Variants in TUBGCP2 observed in about 807,000 individuals in gnomAD.
The protein encoded by TUBGCP2 is gamma-tubulin complex component 2.
TUBGCP2 carries 55 observed loss-of-function variants against 92.2 expected under a neutral mutation model. The ratio of observed to expected loss-of-function variants is 0.60; its 90% CI spans 0.48 to 0.75. The LOEUF (loss-of-function observed/expected upper bound fraction) is 0.75, where lower values mean the gene tolerates loss of function less well. TUBGCP2 is among the 30% of genes least tolerant of loss of function. The probability of loss-of-function intolerance (pLI) is 0.00; values close to 1 mark genes in which losing one functional copy is unlikely to be tolerated. For missense variants in TUBGCP2, 1,093 were observed against 1,188.9 expected (o/e 0.92, Z 1.19); for synonymous variants, 533 against 505.2 (o/e 1.06, Z -0.74).
At chr10:133,309,098 T>C (rs1847918283), upstream of TUBGCP2, 18 of 1,315,826 alleles carry the variant, frequency 1.4e-5, no homozygotes, top group Non-Finnish European at 1.8e-5. Context: ...TTCTTCGAGG[T>C]GCGTGAGCAA....
intron 5 of TUBGCP2, among the ~76,000 whole-genome samples, chr10:133,294,220 G>A (rs549197207): frequency 1.3e-5 from 2 of 152,382 alleles, no homozygotes; most frequent in African/African-American, 2.4e-5. Flanking sequence ...TGAGACGGCT[G>A]CAGGACACAC....
chr10:133,297,508 C>A, intron 5 of TUBGCP2: 1 of 405,368 alleles, frequency 2.5e-6, no homozygotes, highest in South Asian at 1.9e-5. Context: ...GTCTCACCCG[C>A]ATCTTGTTTA....
At chr10:133,284,933 G>C in intron 13 of TUBGCP2, 152 bp downstream of exon 13, 2 of 1,190,470 alleles carry the variant, frequency 1.7e-6, no homozygotes, top group Non-Finnish European at 2.3e-6. Context: ...AAGCATTATG[G>C]ATCTAAAGCC....
rs1332117174 is a variant in TUBGCP2 at position 133,283,191 on chromosome 10, G to A, written c.2176C>T (p.His726Tyr). 1.2e-6 allele frequency: 2 copies of A among 1,614,226 alleles called. No homozygotes were observed. The highest frequency in any genetic ancestry group is 1.7e-6 in the Non-Finnish European group (2 of 1,180,046). ...ASNIDDVLGHHTGFLDTCLKD... is the reference protein window; with the variant it reads ...ASNIDDVLGHYTGFLDTCLKD... Reference sequence around the variant, plus strand: ...AGGCAGGTGTCCAGGAAGCCTGTGTGGTGGCCAAGGACGTCGTCAATGTTG... The same window carrying A: ...AGGCAGGTGTCCAGGAAGCCTGTGTAGTGGCCAAGGACGTCGTCAATGTTG... Residue 726 changes from histidine (H) to tyrosine (Y), a missense_variant, in exon 15 of 18, where the codon CAC becomes TAC. By Grantham distance (83) the His-to-Tyr change is moderately conservative (BLOSUM62 2). This residue lies in a region of TUBGCP2 where 598 missense variants were observed against 675.5 expected (regional missense o/e 0.89). Transcript: ENST00000252936.
At chr10:133,283,343 GC>G (rs1448764629) in intron 14 of TUBGCP2, 122 bp from the exon 15 acceptor site, 1 of 1,391,040 alleles carries the variant, frequency 7.2e-7, no homozygotes, top group Non-Finnish European at 9.7e-7. Context: ...TCTTAAATGG[GC>G]CTTGGGCTTT....
rs1564935539 is a variant in TUBGCP2, at chr10:133,285,256, G to GGCGGCGTCGTGGAC, written c.1896-57_1896-44dup. On this transcript the variant is annotated intron_variant, in intron 12 of 17. Transcript: ENST00000252936. The surrounding 1 kb of genome is among the most constrained non-coding windows in gnomAD (Gnocchi z 6.8). ...GCACCTCAGGTGGGCCTCCGTGACC[G>GGCGGCGTCGTGGAC]GCGGCGTCGTGGACACGGCGTCTGT... is the stretch of plus-strand genomic sequence containing the variant. The GGCGGCGTCGTGGAC allele has an allele frequency of 5.6e-6, 9 of 1,607,670 alleles. No individual in the cohort carries two copies. In the South Asian group the frequency reaches 9.9e-5, roughly 18 times the overall value.
In TUBGCP2 at chr10:133,279,832, G is replaced by T. The variant is rs1846920406; in HGVS notation, c.2643C>A (p.Thr881=). Residue 881 remains threonine (T), a synonymous_variant, in exon 18 of 18, where the codon ACC becomes ACA. Coordinates refer to ENST00000252936, the MANE Select transcript of TUBGCP2 (RefSeq NM_006659.4). ...RLSAERSQKA[T]PQVPVLRGPP... The stretch of plus-strand genomic sequence containing the variant: ...GCCCCCGCAGGACAGGCACTTGGGG[G>T]GTGGCCTTCTGGCTCCTCTCTGCAG... 1.9e-6 allele frequency: 3 copies of T among 1,596,278 alleles called. No homozygotes were observed. Among genetic ancestry groups the T allele is most frequent in the African/African-American group, 1.3e-5 (1 of 74,390 alleles).
Position 133,308,810 on chromosome 10 carries a change from G to T in TUBGCP2, c.-40+13C>A. 1 of 701,750 alleles carries T rather than the reference G, an allele frequency of 1.4e-6. No individual in the cohort carries two copies. The highest frequency in any genetic ancestry group is 1.9e-6 in the Non-Finnish European group (1 of 517,374). 43.5% of individuals were successfully genotyped at this position (701,750 alleles called of 1,614,324 possible). A position where few individuals can be genotyped will look rare whatever the true frequency, so the allele number is the denominator to read the frequency against. On this transcript the variant is annotated intron_variant, in intron 1 of 17. Coordinates refer to ENST00000252936, the MANE Select transcript of TUBGCP2 (RefSeq NM_006659.4). ...CCTCATCACGCCCGCGCCCGCGTTC[G>T]GCCAGGACTCACCGCAGTCCCGGAG...
intron 13 of TUBGCP2, among the ~76,000 whole-genome samples, chr10:133,284,348 G>A (rs967396462): frequency 6.6e-6 from 1 of 151,934 alleles, no homozygotes; most frequent in African/African-American, 2.4e-5. Context: ...TCATCAAGAT[G>A]AGTTCTTTTT....
At chr10:133,309,613 C>T (rs1354846113), upstream of TUBGCP2, 1 of 1,263,888 alleles carries the variant, frequency 7.9e-7, no homozygotes, top group Non-Finnish European at 1.1e-6. Flanking sequence ...CCGACTCTTC[C>T]ACCACCTAGC....
At chr10:133,282,793 G>C (rs913834547) in intron 15 of TUBGCP2, among the ~76,000 whole-genome samples, 3 of 152,214 alleles carry the variant, frequency 2.0e-5, no homozygotes, top group Non-Finnish European at 4.4e-5. Context: ...CTGAGGAAAA[G>C]AGCATGCAAG....
At position 133,293,213 on chromosome 10, in the gene TUBGCP2, C is replaced by A; in HGVS notation, c.850G>T (p.Glu284Ter). 1 of 1,613,694 alleles carries A rather than the reference C, an allele frequency of 6.2e-7. No homozygotes were observed. The highest frequency in any genetic ancestry group is 8.5e-7 in the Non-Finnish European group (1 of 1,180,020). Residue 284 changes from glutamate to a stop codon, truncating the protein, a stop_gained, in exon 7 of 18, where the codon GAG becomes TAG. Transcript: ENST00000252936. LOFTEE classifies it high-confidence loss of function. ...AGGGCGTGGTTCACCTGCCCGTACT[C>A]GAAGGAAGACTTCTCTTCAATGAAC... ...TRFIEEKSSFEYGQVNHALAA... is the reference protein window; with the variant it reads ...TRFIEEKSSF
At chr10:133,284,250 G>A (rs1343577797) in intron 13 of TUBGCP2, among the ~76,000 whole-genome samples, 1 of 152,260 alleles carries the variant, frequency 6.6e-6, no homozygotes, top group East Asian at 1.9e-4. Context: ...CTGGACGGTG[G>A]AGACTGGGAC....
chr10:133,285,451 C>G lies in TUBGCP2; in HGVS notation c.1895+5G>C. ...CTGGCAGGTGCCCGAGCAGCCGACCCGCACCTGTTGATGATGAGCGAAAGG... is the reference window on the plus strand; with the variant it reads ...CTGGCAGGTGCCCGAGCAGCCGACCGGCACCTGTTGATGATGAGCGAAAGG... On this transcript the variant is annotated splice_donor_5th_base_variant and intron_variant, in intron 12 of 17. Transcript: ENST00000252936. The surrounding 1 kb of genome is among the most constrained non-coding windows in gnomAD (Gnocchi z 6.8). 4 of 1,613,358 alleles carry G rather than the reference C, an allele frequency of 2.5e-6. No homozygotes were observed. The highest frequency in any genetic ancestry group is 3.4e-6 in the Non-Finnish European group (4 of 1,179,908).
At chr10:133,298,827 G>A (rs1290297370) in intron 4 of TUBGCP2, among the ~76,000 whole-genome samples, 1 of 152,220 alleles carries the variant, frequency 6.6e-6, no homozygotes, top group Non-Finnish European at 1.5e-5. Flanking sequence ...AACCGGCTGG[G>A]TCCTTGGGAG....
chr10:133,309,967 G>A, upstream of TUBGCP2: 1 of 1,613,002 alleles, frequency 6.2e-7, no homozygotes. Flanking sequence ...CTGTCTGAGA[G>A]GCAGGACATG....
At chr10:133,297,333 G>C (rs1048892170) in intron 5 of TUBGCP2, 2 of 403,792 alleles carry the variant, frequency 5.0e-6, no homozygotes, top group African/African-American at 4.3e-5. Flanking sequence ...GGGAGGTGGA[G>C]GTTGCAGTGT....
In TUBGCP2 at chr10:133,281,422, G is replaced by A. The variant is rs779707061; in HGVS notation, c.2424C>T (p.His808=). ...KELARKHLAE[H]ADTVQLVSGF... ...CGGACACCAGCTGCACAGTGTCTGC[G>A]TGCTCAGCCAGGTGCTGGAAAGAAA... The change falls in exon 17 of 18, where the codon CAC becomes CAT. Residue 808 remains histidine (H), a synonymous_variant. Coordinates refer to ENST00000252936, the MANE Select transcript of TUBGCP2 (RefSeq NM_006659.4). 4.7e-5 allele frequency: 75 copies of A among 1,612,810 alleles called. No homozygotes were observed. The highest frequency in any genetic ancestry group is 5.6e-5 in the Non-Finnish European group (66 of 1,179,974).
intron 1 of TUBGCP2, among the ~76,000 whole-genome samples, chr10:133,303,189 A>G (rs1847719661): frequency 1.3e-5 from 2 of 150,028 alleles, no homozygotes; most frequent in African/African-American, 4.9e-5. Flanking sequence ...CCAACACCCC[A>G]GCAGCCTCTC....
Sources: gnomAD v4.1 joint callset for allele counts (sites outside exome capture counted in the v4.1 genomes callset) on GRCh38, gnomAD v4.1.1 for gene constraint, gnomAD v4.1.1 regional missense constraint, Gnocchi (gnomAD v3.1) non-coding constraint, MANE v1.5 for transcripts, NCBI Gene and HGNC (gene_info 2026-07-23, HGNC 2026-07-21) for gene names.